GRID2: variants seen among roughly 807,000 people sequenced by gnomAD.
GRID2 encodes glutamate ionotropic receptor delta type subunit 2.
In GRID2, 33 loss-of-function variants were observed where a neutral mutation model predicts 114.8. The observed-to-expected ratio is 0.29, with a 90% confidence interval of 0.22 to 0.38. The LOEUF (loss-of-function observed/expected upper bound fraction) is 0.38. Ranked by LOEUF, GRID2 falls within the 10% of genes least tolerant of loss-of-function variation. The pLI is 1.00. For synonymous variants in GRID2, 505 were observed against 449.9 expected (o/e 1.12, Z -1.55); for missense variants, 1,184 against 1,257.7 (o/e 0.94, Z 0.89).
intron 8 of GRID2, among the ~76,000 whole-genome samples, chr4:93,342,979 C>G (rs775809092): frequency 2.6e-4 from 40 of 152,062 alleles, no homozygotes; most frequent in Admixed American, 6.6e-4. Flanking sequence ...GTGCAAGAGA[C>G]ATCAGATTTT....
intron 1 of GRID2, among the ~76,000 whole-genome samples, chr4:93,791,460 A>G (rs1353501567): frequency 6.6e-6 from 1 of 152,224 alleles, no homozygotes; most frequent in African/African-American, 2.4e-5. Flanking sequence ...AAGCTCTACC[A>G]AACCACCACT....
intron 1 of GRID2, among the ~76,000 whole-genome samples, chr4:92,388,287 T>G (rs1404234465): frequency 6.6e-6 from 1 of 152,012 alleles, no homozygotes; most frequent in Non-Finnish European, 1.5e-5. Flanking sequence ...AAGCTTTGGA[T>G]TCTCTGGCTC....
At chr4:92,542,270 A>G (rs570229006) in intron 1 of GRID2, among the ~76,000 whole-genome samples, 2 of 152,110 alleles carry the variant, frequency 1.3e-5, no homozygotes, top group East Asian at 3.9e-4. Flanking sequence ...CCTTGAGCAC[A>G]CCACTACACT....
At chr4:93,582,105 T>C (rs372255280) in intron 13 of GRID2, among the ~76,000 whole-genome samples, 17 of 152,214 alleles carry the variant, frequency 1.1e-4, no homozygotes, top group African/African-American at 4.1e-4. Flanking sequence ...ATGTTCAAAA[T>C]GGATCTTACT....
chr4:92,921,996 C>A (rs1309760759), intron 2 of GRID2, among the ~76,000 whole-genome samples: 1 of 152,204 alleles, frequency 6.6e-6, no homozygotes, highest in African/African-American at 2.4e-5. Context: ...GGGCTCCACC[C>A]AGTTCAAGCT....
At position 93,141,858 on chromosome 4, in the gene GRID2, T is replaced by G. The variant is rs78733271; in HGVS notation, c.735+30905T>G. Among the ~76,000 whole-genome samples, 1,165 of 152,326 alleles carry G rather than the reference T, an allele frequency of 7.6e-3. 15 individuals carry two copies. The highest frequency in any genetic ancestry group is 0.027 in the African/African-American group (1,105 of 41,572). ...ATATTGTTTGTGCTTATTACAAGTT[T>G]CTGGTGATCTTGTTTGACTTTCCTA... is the stretch of plus-strand genomic sequence containing the variant. On this transcript the variant is annotated intron_variant, in intron 4 of 15. Transcript: ENST00000282020.
chr4:93,457,283 G>T (rs766444963), intron 11 of GRID2, among the ~76,000 whole-genome samples: 4 of 152,082 alleles, frequency 2.6e-5, no homozygotes, highest in Non-Finnish European at 5.9e-5. Flanking sequence ...GAGAGACAGA[G>T]TTAACTATGG....
intron 13 of GRID2, among the ~76,000 whole-genome samples, chr4:93,608,855 T>A (rs1460214501): frequency 2.2e-5 from 3 of 133,542 alleles, no homozygotes; most frequent in Admixed American, 2.2e-4. Flanking sequence ...TCAAATGGTA[T>A]TTCTAGTTCT....
At chr4:93,101,322 T>G (rs1258349586) in intron 3 of GRID2, among the ~76,000 whole-genome samples, 1 of 152,080 alleles carries the variant, frequency 6.6e-6, no homozygotes, top group African/African-American at 2.4e-5. Context: ...TCAATTGATC[T>G]TAACTATAGT....
At chr4:93,712,563 C>A (rs1454741859) in intron 14 of GRID2, among the ~76,000 whole-genome samples, 2 of 152,090 alleles carry the variant, frequency 1.3e-5, no homozygotes, top group African/African-American at 2.4e-5. Flanking sequence ...TCTGGTTTCA[C>A]CCCTTCTCCT....
At chr4:92,327,581 A>G (rs1437079873) in intron 1 of GRID2, among the ~76,000 whole-genome samples, 3 of 152,044 alleles carry the variant, frequency 2.0e-5, no homozygotes, top group African/African-American at 2.4e-5. Flanking sequence ...AGATCTTTAT[A>G]GTAAACTAGC....
intron 2 of GRID2, among the ~76,000 whole-genome samples, chr4:92,677,793 TTTTG>T (rs1238235080): frequency 4.3e-4 from 66 of 152,234 alleles, no homozygotes; most frequent in African/African-American, 1.4e-3. Context: ...GGTGGCAAGC[TTTTG>T]TTTGTTTGTT....
chr4:92,885,959 G>A (rs1174185273), intron 2 of GRID2, among the ~76,000 whole-genome samples: 1 of 152,110 alleles, frequency 6.6e-6, no homozygotes, highest in Admixed American at 6.5e-5. Flanking sequence ...TGTTTTTTAA[G>A]AAAATTCAAC....
intron 12 of GRID2, among the ~76,000 whole-genome samples, chr4:93,495,684 T>C (rs1727463938): frequency 6.6e-6 from 1 of 151,812 alleles, no homozygotes. Flanking sequence ...CATGTATATT[T>C]ACAGCAATTA....
At chr4:93,100,257 A>T (rs1010359095) in intron 3 of GRID2, among the ~76,000 whole-genome samples, 2 of 151,888 alleles carry the variant, frequency 1.3e-5, no homozygotes, top group African/African-American at 4.8e-5. Context: ...CTCAGATCAC[A>T]AGCTATTATC....
chr4:93,132,261 A>G (rs1162623191), intron 4 of GRID2, among the ~76,000 whole-genome samples: 1 of 152,204 alleles, frequency 6.6e-6, no homozygotes, highest in African/African-American at 2.4e-5. Flanking sequence ...TTTGGCACTC[A>G]ATACCTACTT....
chr4:92,529,272 A>AGT (rs1263580255), intron 1 of GRID2, among the ~76,000 whole-genome samples: 1 of 151,956 alleles, frequency 6.6e-6, no homozygotes, highest in Non-Finnish European at 1.5e-5. Flanking sequence ...CTTACAATGT[A>AGT]GTGAGAGAGA....
intron 1 of GRID2, among the ~76,000 whole-genome samples, chr4:92,439,287 A>G (rs1474782391): frequency 6.6e-6 from 1 of 152,032 alleles, no homozygotes; most frequent in East Asian, 1.9e-4. Flanking sequence ...TCATCAGTTA[A>G]GGTGGGGCAG....
At chr4:92,784,569 A>G (rs1206151072) in intron 2 of GRID2, among the ~76,000 whole-genome samples, 1 of 151,938 alleles carries the variant, frequency 6.6e-6, no homozygotes, top group Non-Finnish European at 1.5e-5. Flanking sequence ...TAAAAATTAA[A>G]TTTTTGAAGT....
Sources: gnomAD v4.1 joint callset for allele counts (sites outside exome capture counted in the v4.1 genomes callset) on GRCh38, gnomAD v4.1.1 for gene constraint, MANE v1.5 for transcripts, NCBI Gene and HGNC (gene_info 2026-07-23, HGNC 2026-07-21) for gene names.